The following FER1L6 variants were observed in gnomAD, a reference collection of about 807,000 sequenced individuals.
FER1L6 encodes fer-1 like family member 6, also known as fer-1-like protein 6.
Under a neutral mutation model 219.2 loss-of-function variants are expected in FER1L6, and 177 were observed. That is an observed-to-expected ratio of 0.81 (90% confidence interval 0.71 to 0.91). FER1L6 has a LOEUF of 0.91. Ranked by LOEUF, FER1L6 falls within the 40% of genes least tolerant of loss-of-function variation. The probability of loss-of-function intolerance (pLI) is 0.00; values close to 1 mark genes in which losing one functional copy is unlikely to be tolerated. For synonymous variants in FER1L6, 768 were observed against 824.3 expected (o/e 0.93, Z 1.17); for missense variants, 2,153 against 2,259.9 (o/e 0.95, Z 0.96).
intron 12 of FER1L6, among the ~76,000 whole-genome samples, chr8:123,989,119 G>GT (rs1816735043): frequency 6.6e-6 from 1 of 152,068 alleles, no homozygotes; most frequent in Admixed American, 6.5e-5. Context: ...TTGACGTGAT[G>GT]TATCATATTG....
rs567023163 is a variant in FER1L6 at position 123,966,058 on chromosome 8, T to C, written c.249T>C (p.Tyr83=). The C allele has an allele frequency of 1.5e-5, 24 of 1,613,714 alleles. No individual in the cohort carries two copies. The highest frequency in any genetic ancestry group is 2.2e-5 in the East Asian group (1 of 44,822). Residue 83 remains tyrosine (Y), a synonymous_variant, in exon 4 of 41, where the codon TAT becomes TAC. Transcript: ENST00000522917. ...ATGGGGAGGTCAGATCCCAAAATTA[T>C]CAAGTAAGTGATTGGCTCTTCCTGC... The part of the protein sequence containing the change: ...IHDGEVRSQN[Y]QIAITITEAR...
At chr8:124,078,068 A>T (rs538842663) in intron 32 of FER1L6, among the ~76,000 whole-genome samples, 1 of 152,164 alleles carries the variant, frequency 6.6e-6, no homozygotes, top group Non-Finnish European at 1.5e-5. Flanking sequence ...TCCCCACTAG[A>T]ATGTAAGAAG....
At chr8:123,865,977 G>A (rs1816830432) in intron 1 of FER1L6, among the ~76,000 whole-genome samples, 1 of 151,256 alleles carries the variant, frequency 6.6e-6, no homozygotes, top group South Asian at 2.1e-4. Context: ...GACCGGAGCT[G>A]TTCCTATTCG....
At position 123,926,329 on chromosome 8, in the gene FER1L6, G is replaced by A. The variant is rs1458549984; in HGVS notation, c.-7-29663G>A. ...GAATCCCGGTGGCTTACTTTCCTCT[G>A]GATTCTGGGACAAAGACTATGTCCA... On this transcript the variant is annotated intron_variant, in intron 1 of 40. Transcript: ENST00000522917. Among the ~76,000 whole-genome samples the A allele has an allele frequency of 2.0e-5, 3 of 152,190 alleles. No homozygotes were observed. The East Asian group carries it at 5.8e-4, about 29-fold the overall frequency.
chr8:123,966,482 A>G (rs531753138), intron 5 of FER1L6, among the ~76,000 whole-genome samples, 192 bp downstream of exon 5: 1 of 152,332 alleles, frequency 6.6e-6, no homozygotes, highest in Admixed American at 6.5e-5. Context: ...AGTGGAAAAG[A>G]GAGGCGAGGA....
At chr8:123,999,666 A>T (rs71516725) in intron 12 of FER1L6, among the ~76,000 whole-genome samples, 2 of 150,912 alleles carry the variant, frequency 1.3e-5, no homozygotes, top group Non-Finnish European at 3.0e-5. Flanking sequence ...CCATCTCAAA[A>T]CAAAAACAAA....
chr8:123,921,927 A>C lies in FER1L6; in HGVS notation c.-7-34065A>C, dbSNP rs565446046. Among the ~76,000 whole-genome samples, 5 of 152,310 alleles carry C rather than the reference A, an allele frequency of 3.3e-5. No individual in the cohort carries two copies. In the South Asian group the frequency reaches 1.0e-3, roughly 32 times the overall value. On this transcript the variant is annotated intron_variant, in intron 1 of 40. Transcript: ENST00000522917. ...CTACTGTGAGACCTTGGGCAAGTTC[A>C]TTCATCTGTTTGAGCCACTGTTTCT...
At chr8:123,877,958 T>G (rs915779427) in intron 1 of FER1L6, among the ~76,000 whole-genome samples, 1 of 152,134 alleles carries the variant, frequency 6.6e-6, no homozygotes, top group African/African-American at 2.4e-5. Context: ...GGGAGAGAGC[T>G]CTATAGAAAT....
intron 21 of FER1L6, among the ~76,000 whole-genome samples, chr8:124,049,111 G>A (rs1241043092): frequency 1.3e-5 from 2 of 151,390 alleles, no homozygotes; most frequent in African/African-American, 2.4e-5. Flanking sequence ...GCAGTGGTGC[G>A]ATCTCGGCTT....
At chr8:124,048,349 G>A (rs893525502) in intron 21 of FER1L6, among the ~76,000 whole-genome samples, 12 of 152,346 alleles carry the variant, frequency 7.9e-5, no homozygotes, top group African/African-American at 2.6e-4. Flanking sequence ...CCCTGTGCTA[G>A]GGGACACAGC....
intron 22 of FER1L6, among the ~76,000 whole-genome samples, chr8:124,055,391 C>CTGTT (rs991892794): frequency 3.9e-5 from 6 of 152,148 alleles, no homozygotes; most frequent in Non-Finnish European, 7.3e-5. Flanking sequence ...AAAAATGCAT[C>CTGTT]TGTTTACTCA....
At chr8:123,894,312 T>G (rs1812708325) in intron 1 of FER1L6, among the ~76,000 whole-genome samples, 1 of 152,180 alleles carries the variant, frequency 6.6e-6, no homozygotes, top group Non-Finnish European at 1.5e-5. Context: ...TATAAACCCT[T>G]AATTTTAGTT....
At position 123,980,580 on chromosome 8, in the gene FER1L6, CA is replaced by C; in HGVS notation, c.1180del (p.Arg394GlyfsTer6). ...NEGFGEGVSF[R>X]GRILVEIAVE... ...AAGGCTTTGGGGAAGGTGTGTCATTCAGGGGCAGAATCTTGGTAGAAATTGC... is the reference window on the plus strand; with the variant it reads ...AAGGCTTTGGGGAAGGTGTGTCATTCGGGGCAGAATCTTGGTAGAAATTGC... On this transcript the variant is annotated frameshift_variant, in exon 11 of 41. Coordinates refer to ENST00000522917, the MANE Select transcript of FER1L6 (RefSeq NM_001039112.2). LOFTEE classifies it high-confidence loss of function. 1.2e-6 allele frequency: 2 copies of C among 1,614,136 alleles called. No homozygotes were observed. Among genetic ancestry groups the C allele is most frequent in the Non-Finnish European group, 1.7e-6 (2 of 1,180,022 alleles).
intron 17 of FER1L6, among the ~76,000 whole-genome samples, chr8:124,022,821 A>G (rs1017203917): frequency 1.8e-5 from 2 of 112,302 alleles, no homozygotes; most frequent in African/African-American, 5.9e-5. Context: ...CCTGCAGATG[A>G]GAAAAGTAGG....
At chr8:124,059,723 G>A (rs951753592) in intron 22 of FER1L6, among the ~76,000 whole-genome samples, 1 of 152,208 alleles carries the variant, frequency 6.6e-6, no homozygotes, top group Admixed American at 6.5e-5. Flanking sequence ...TATTGTAGTA[G>A]TAGTATTAGT....
chr8:124,008,522 T>C (rs1359982985), intron 13 of FER1L6, among the ~76,000 whole-genome samples: 1 of 152,212 alleles, frequency 6.6e-6, no homozygotes, highest in Admixed American at 6.5e-5. Flanking sequence ...GACCTGAAAC[T>C]ATAAAAATTC....
chr8:123,892,450 C>T (rs554543111), intron 1 of FER1L6, among the ~76,000 whole-genome samples: 1 of 152,168 alleles, frequency 6.6e-6, no homozygotes, highest in African/African-American at 2.4e-5. Flanking sequence ...CGCCACCATG[C>T]CCAGCTAATT....
At chr8:123,922,385 T>A (rs1813391488) in intron 1 of FER1L6, among the ~76,000 whole-genome samples, 5 of 152,154 alleles carry the variant, frequency 3.3e-5, no homozygotes, top group Admixed American at 3.3e-4. Flanking sequence ...AAGAAAAACC[T>A]CCGACTGAGG....
chr8:123,854,606 G>A (rs1253539460), intron 1 of FER1L6, among the ~76,000 whole-genome samples: 6 of 152,194 alleles, frequency 3.9e-5, no homozygotes, highest in East Asian at 1.9e-4. Context: ...ACAGGGGACC[G>A]AAGGGTATCT....
Sources: gnomAD v4.1 joint callset for allele counts (sites outside exome capture counted in the v4.1 genomes callset) on GRCh38, gnomAD v4.1.1 for gene constraint, MANE v1.5 for transcripts, NCBI Gene and HGNC (gene_info 2026-07-23, HGNC 2026-07-21) for gene names.